GRM7: variants seen among roughly 807,000 people sequenced by gnomAD.
GRM7 encodes glutamate metabotropic receptor 7, also known as metabotropic glutamate receptor 7.
GRM7 carries 35 observed loss-of-function variants against 84.5 expected under a neutral mutation model. That is an observed-to-expected ratio of 0.41 (90% CI 0.32 to 0.55). The LOEUF (loss-of-function observed/expected upper bound fraction) is 0.55, where lower values mean the gene tolerates loss of function less well. Among genes scored for constraint, GRM7 ranks in the 20% least tolerant of loss-of-function variants. The probability of loss-of-function intolerance (pLI) is 0.19; values close to 1 mark genes in which losing one functional copy is unlikely to be tolerated. For synonymous variants in GRM7, 487 were observed against 455.1 expected (o/e 1.07, Z -0.89); for missense variants, 1,003 against 1,194.6 (o/e 0.84, Z 2.36).
intron 8 of GRM7, among the ~76,000 whole-genome samples, chr3:7,596,545 A>C (rs1696053414): frequency 6.6e-6 from 1 of 152,204 alleles, no homozygotes; most frequent in Non-Finnish European, 1.5e-5. Flanking sequence ...GAATATCATA[A>C]TAGAGAAGAG....
At chr3:7,086,691 G>A (rs1698469740) in intron 1 of GRM7, among the ~76,000 whole-genome samples, 1 of 152,158 alleles carries the variant, frequency 6.6e-6, no homozygotes, top group Non-Finnish European at 1.5e-5. Flanking sequence ...CAGCGAGTTG[G>A]AAGAGCAGAA....
intron 5 of GRM7, among the ~76,000 whole-genome samples, chr3:7,426,027 T>C (rs1470269839): frequency 6.6e-6 from 1 of 152,214 alleles, no homozygotes; most frequent in Non-Finnish European, 1.5e-5. Flanking sequence ...AAAGTATAGA[T>C]TGGTGCTATT....
intron 1 of GRM7, among the ~76,000 whole-genome samples, chr3:6,875,096 G>A (rs1231204031): frequency 6.6e-6 from 1 of 152,024 alleles, no homozygotes; most frequent in South Asian, 2.1e-4. Flanking sequence ...TTTCAGTTTT[G>A]TTGAATTGTG....
At chr3:7,142,813 G>A (rs1243382471) in intron 1 of GRM7, among the ~76,000 whole-genome samples, 8 of 152,032 alleles carry the variant, frequency 5.3e-5, no homozygotes, top group South Asian at 2.1e-4. Context: ...TCATTAAAAC[G>A]CATACACTTA....
chr3:7,353,762 C>A (rs1245865122), intron 4 of GRM7, among the ~76,000 whole-genome samples: 4 of 152,048 alleles, frequency 2.6e-5, no homozygotes, highest in Non-Finnish European at 5.9e-5. Flanking sequence ...AACATATATG[C>A]GATGAGAAGA....
chr3:7,737,022 C>T (rs370274203), intron 9 of GRM7, among the ~76,000 whole-genome samples: 3 of 152,122 alleles, frequency 2.0e-5, no homozygotes, highest in Non-Finnish European at 4.4e-5. Context: ...CTATGAGGCT[C>T]TCTTTTCTAT....
intron 1 of GRM7, among the ~76,000 whole-genome samples, chr3:6,899,760 T>A (rs1426190262): frequency 6.6e-6 from 1 of 152,206 alleles, no homozygotes; most frequent in Non-Finnish European, 1.5e-5. Flanking sequence ...TTTGACAGTT[T>A]CATTGACCAA....
intron 9 of GRM7, among the ~76,000 whole-genome samples, chr3:7,684,142 T>C (rs1347713784): frequency 1.3e-5 from 2 of 152,234 alleles, no homozygotes; most frequent in Non-Finnish European, 2.9e-5. Flanking sequence ...GATATGACTA[T>C]GCTATACTAG....
At chr3:7,663,980 A>G (rs1391107839) in intron 8 of GRM7, among the ~76,000 whole-genome samples, 4 of 152,214 alleles carry the variant, frequency 2.6e-5, no homozygotes, top group Non-Finnish European at 5.9e-5. Context: ...ACCACAGGAC[A>G]AGAAAAGCTT....
At chr3:7,074,240 G>T (rs1038497901) in intron 1 of GRM7, among the ~76,000 whole-genome samples, 14 of 152,126 alleles carry the variant, frequency 9.2e-5, no homozygotes, top group Non-Finnish European at 1.9e-4. Context: ...GGAAAATGAG[G>T]CTTAGATGTT....
chr3:7,602,540 A>C (rs566006183), intron 8 of GRM7, among the ~76,000 whole-genome samples: 1 of 152,168 alleles, frequency 6.6e-6, no homozygotes, highest in Non-Finnish European at 1.5e-5. Context: ...GAAACAATCC[A>C]CATCTCTTCC....
chr3:7,213,755 A>G (rs928846887), intron 2 of GRM7, among the ~76,000 whole-genome samples: 6 of 152,126 alleles, frequency 3.9e-5, no homozygotes, highest in African/African-American at 1.4e-4. Flanking sequence ...ACAAGTCACT[A>G]GAAATGGACT....
At chr3:7,431,174 GAA>G (rs1696814929) in intron 5 of GRM7, among the ~76,000 whole-genome samples, 1 of 151,890 alleles carries the variant, frequency 6.6e-6, no homozygotes, top group South Asian at 2.1e-4. Context: ...GCATCAAAAA[GAA>G]AGTGAATTAT....
chr3:7,011,170 G>A (rs1695356228), intron 1 of GRM7, among the ~76,000 whole-genome samples: 1 of 152,140 alleles, frequency 6.6e-6, no homozygotes, highest in Non-Finnish European at 1.5e-5. Flanking sequence ...AATAATTTGT[G>A]AAATTGTTAT....
intron 2 of GRM7, among the ~76,000 whole-genome samples, chr3:7,211,927 C>T (rs1474995175): frequency 6.6e-6 from 1 of 151,860 alleles, no homozygotes. Flanking sequence ...ACCCTAGCTC[C>T]GTGGCCGTTT....
chr3:6,945,136 T>A (rs1461420095), intron 1 of GRM7, among the ~76,000 whole-genome samples: 1 of 152,118 alleles, frequency 6.6e-6, no homozygotes, highest in Non-Finnish European at 1.5e-5. Flanking sequence ...TATGTATACA[T>A]GTGCCATGTT....
intron 1 of GRM7, among the ~76,000 whole-genome samples, chr3:6,877,725 T>C (rs1305322632): frequency 2.0e-5 from 3 of 151,850 alleles, no homozygotes; most frequent in Non-Finnish European, 4.4e-5. Flanking sequence ...CTGGATATAA[T>C]TTCCTCAATT....
chr3:7,017,762 T>C (rs1695628248), intron 1 of GRM7, among the ~76,000 whole-genome samples: 1 of 152,158 alleles, frequency 6.6e-6, no homozygotes, highest in African/African-American at 2.4e-5. Flanking sequence ...TGGCTCTCAT[T>C]TACAACTGGA....
rs549194601 is a variant in GRM7 at position 7,151,630 on chromosome 3, A to G, written c.736+4962A>G. Among the ~76,000 whole-genome samples, 13 of 152,296 alleles carry G rather than the reference A, an allele frequency of 8.5e-5. No homozygotes were observed. Among genetic ancestry groups the G allele is most frequent in the Non-Finnish European group, 1.3e-4 (9 of 68,034 alleles). ...TCTATTATCTAAGATAATTCCTAGT[A>G]CATAGAAAGCAGTCAATCATTATTT... On this transcript the variant is annotated intron_variant, in intron 2 of 9. Transcript: ENST00000357716. The surrounding 1 kb of genome is among the most constrained non-coding windows in gnomAD (Gnocchi z 4.5).
Sources: allele counts gnomAD v4.1 joint callset (sites outside exome capture counted in the v4.1 genomes callset), GRCh38; gene constraint gnomAD v4.1.1; non-coding constraint Gnocchi (gnomAD v3.1); transcripts MANE v1.5; gene names NCBI Gene and HGNC (gene_info 2026-07-23, HGNC 2026-07-21).